FBXL22: variants seen among roughly 807,000 people sequenced by gnomAD.
FBXL22 encodes the protein F-box and leucine-rich protein 22.
A neutral mutation model predicts 11.7 loss-of-function variants in FBXL22; 13 were observed. The ratio of observed to expected loss-of-function variants is 1.11; its 90% confidence interval spans 0.73 to 1.77. The LOEUF is 1.77. FBXL22 is among the 40% of genes most tolerant of loss of function. The probability of loss-of-function intolerance (pLI) is 0.00; values close to 1 mark genes in which losing one functional copy is unlikely to be tolerated. For synonymous variants in FBXL22, 160 were observed against 144.1 expected (o/e 1.11, Z -0.79); for missense variants, 406 against 320.4 (o/e 1.27, Z -2.04).
chr15:63,597,638 C>G lies in FBXL22; in HGVS notation c.246C>G (p.Arg82=). 6.2e-7 allele frequency: 1 copy of G among 1,613,412 alleles called. No individual in the cohort carries two copies. The highest frequency in any genetic ancestry group is 1.1e-5 in the South Asian group (1 of 91,068). The part of the protein sequence containing the change: ...RSLSICWHSS[R]VQVCSIEDWL... Reference sequence around the variant, plus strand: ...TCTCCATCTGCTGGCACTCCAGCCGCGTGCAGGTGTGCAGCATTGAGGACT... The same window carrying G: ...TCTCCATCTGCTGGCACTCCAGCCGGGTGCAGGTGTGCAGCATTGAGGACT... The change falls in exon 1 of 2, where the codon CGC becomes CGG. Residue 82 remains arginine, a synonymous_variant. Transcript: ENST00000638704. The surrounding 1 kb of genome is among the most constrained non-coding windows in gnomAD (Gnocchi z 4.3).
Position 63,601,004 on chromosome 15 carries a change from C to G in FBXL22, c.661C>G (p.Pro221Ala). The G allele has an allele frequency of 8.4e-7, 1 of 1,196,522 alleles. No individual in the cohort carries two copies. The highest frequency in any genetic ancestry group is 1.0e-6 in the Non-Finnish European group (1 of 965,602). 74.1% of individuals were successfully genotyped at this position (1,196,522 alleles called of 1,614,324 possible). ...LPDQPPRPRA[P>A]AAALGKLLQR ...CGACCAGCCCCCGCGCCCGCGCGCG[C>G]CCGCCGCGGCCCTCGGCAAGCTGCT... Residue 221 changes from proline (P) to alanine (A), a missense_variant, in exon 2 of 2, where the codon CCC becomes GCC. Coordinates refer to ENST00000638704, the MANE Select transcript of FBXL22 (RefSeq NM_001367807.1).
At chr15:63,602,443 C>G (rs1211885781), downstream of FBXL22, 1 of 151,884 alleles carries the variant, frequency 6.6e-6, no homozygotes, top group Non-Finnish European at 1.5e-5. Flanking sequence ...AAAAATTAGC[C>G]GGGCGTGGTG....
chr15:63,602,675 G>C (rs1000069419), downstream of FBXL22, among the ~76,000 whole-genome samples: 2 of 151,850 alleles, frequency 1.3e-5, no homozygotes, highest in African/African-American at 4.8e-5. Context: ...GCTGGCAAGA[G>C]ATTGGGGGGT....
In FBXL22 at chr15:63,601,170, T is replaced by A; in HGVS notation, c.*131T>A. Reference sequence around the variant, plus strand: ...ATTTTCCCCGTCTGCACAGTGGGGATAAGAAAGCCTACCTCACGTTACGAT... The same window carrying A: ...ATTTTCCCCGTCTGCACAGTGGGGAAAAGAAAGCCTACCTCACGTTACGAT... On this transcript the variant is annotated 3_prime_UTR_variant, in exon 2 of 2. Transcript: ENST00000638704. 1 of 1,445,618 alleles carries A rather than the reference T, an allele frequency of 6.9e-7. No individual in the cohort carries two copies. Among genetic ancestry groups the A allele is most frequent in the African/African-American group, 1.5e-5 (1 of 67,688 alleles). The allele number at this position is 1,445,618 out of a possible 1,614,324, so 89.5% of individuals were successfully genotyped here. A position where few individuals can be genotyped will look rare whatever the true frequency, so the allele number is the denominator to read the frequency against.
chr15:63,599,114 C>A, intron 1 of FBXL22: 1 of 1,259,726 alleles, frequency 7.9e-7, no homozygotes, highest in Non-Finnish European at 1.1e-6. Flanking sequence ...AACCTCATTT[C>A]TTCTTCTATA....
At chr15:63,601,500 G>C (rs559501272), downstream of FBXL22, 2 of 1,548,812 alleles carry the variant, frequency 1.3e-6, no homozygotes, top group South Asian at 1.2e-5. Context: ...GCGAGACCCC[G>C]CCGGCTCCCG....
downstream of FBXL22, chr15:63,601,378 C>G (rs2067368722): frequency 6.2e-7 from 1 of 1,604,872 alleles, no homozygotes; most frequent in Admixed American, 1.7e-5. Flanking sequence ...ACCGAAATCA[C>G]CTCGGTGGGG....
At chr15:63,607,553 G>C in the FBXL22 span, among the ~76,000 whole-genome samples, 1 of 152,352 alleles carries the variant, frequency 6.6e-6, no homozygotes, top group East Asian at 1.9e-4. Flanking sequence ...ATAAAACGAA[G>C]ATGTCATCAT....
intron 1 of FBXL22, chr15:63,599,972 G>C: frequency 2.0e-6 from 2 of 985,794 alleles, no homozygotes; most frequent in Non-Finnish European, 2.4e-6. Flanking sequence ...CTTGGCTCAA[G>C]ATCTTTTCTT....
At chr15:63,600,149 TCTA>T in intron 1 of FBXL22, 1 of 985,680 alleles carries the variant, frequency 1.0e-6, no homozygotes, top group Non-Finnish European at 1.2e-6. Flanking sequence ...ACAGCTCTAG[TCTA>T]CTAAGCTGAA....
intron 1 of FBXL22, among the ~76,000 whole-genome samples, chr15:63,598,600 G>GA (rs949770032): frequency 1.3e-5 from 2 of 152,154 alleles, no homozygotes; most frequent in Admixed American, 6.5e-5. Context: ...TGCCTTTGAG[G>GA]AAAAACACCC....
At chr15:63,600,377 T>C in intron 1 of FBXL22, 1 of 1,131,942 alleles carries the variant, frequency 8.8e-7, no homozygotes, top group Non-Finnish European at 1.1e-6. Flanking sequence ...GGGTTGTGGC[T>C]CCTGGAACCG....
At chr15:63,600,102 T>TA (rs1237757310) in intron 1 of FBXL22, 1 of 985,644 alleles carries the variant, frequency 1.0e-6, no homozygotes, top group Non-Finnish European at 1.2e-6. Flanking sequence ...CTCCGAACCC[T>TA]ACCCTTTTCC....
chr15:63,598,709 C>T (rs1445689724), intron 1 of FBXL22, among the ~76,000 whole-genome samples: 2 of 152,190 alleles, frequency 1.3e-5, no homozygotes, highest in African/African-American at 2.4e-5. Context: ...GCTGGCAGCA[C>T]GACAGGAGTG....
At chr15:63,602,054 G>A (rs2067380879), downstream of FBXL22, 1 of 232,258 alleles carries the variant, frequency 4.3e-6, no homozygotes, top group Admixed American at 5.7e-5. Context: ...GAAGAGGCGA[G>A]GAGCACTGTG....
chr15:63,600,386 C>T (rs2152688621), intron 1 of FBXL22: 6 of 1,147,500 alleles, frequency 5.2e-6, no homozygotes, highest in Non-Finnish European at 6.4e-6. Flanking sequence ...CTCCTGGAAC[C>T]GGCATTCCCT....
In FBXL22 at chr15:63,597,792, C is replaced by A; in HGVS notation, c.353+47C>A. 2 of 1,506,956 alleles carry A rather than the reference C, an allele frequency of 1.3e-6. No individual in the cohort carries two copies. Among genetic ancestry groups the A allele is most frequent in the Non-Finnish European group, 1.8e-6 (2 of 1,123,098 alleles). The allele number at this position is 1,506,956 out of a possible 1,614,324, so 93.3% of individuals were successfully genotyped here. ...GCAGTGCTGGCCCCGCTAGCTCTGG[C>A]TTCCCTCTTGGGGGGCAGGGAAGAG... On this transcript the variant is annotated intron_variant, in intron 1 of 1. Coordinates refer to ENST00000638704, the MANE Select transcript of FBXL22 (RefSeq NM_001367807.1). This position sits in a 1 kb window ranked among gnomAD's most constrained non-coding sequence, Gnocchi z 4.3.
chr15:63,604,579 T>C (rs748701711), downstream of FBXL22, among the ~76,000 whole-genome samples: 1 of 152,210 alleles, frequency 6.6e-6, no homozygotes, highest in Non-Finnish European at 1.5e-5. Context: ...CTCTCCACTC[T>C]GCCTTCTAAC....
downstream of FBXL22, chr15:63,601,649 C>G (rs1329391695): frequency 6.2e-7 from 1 of 1,607,354 alleles, no homozygotes; most frequent in South Asian, 1.1e-5. Context: ...CGCGTCTGCC[C>G]GCCCACCTTT....
Sources: gnomAD v4.1 joint callset for allele counts (sites outside exome capture counted in the v4.1 genomes callset) on GRCh38, gnomAD v4.1.1 for gene constraint, Gnocchi (gnomAD v3.1) non-coding constraint, MANE v1.5 for transcripts, NCBI Gene and HGNC (gene_info 2026-07-23, HGNC 2026-07-21) for gene names.